Variants in PLA2R1 observed in about 807,000 individuals in gnomAD.
PLA2R1 encodes the protein secretory phospholipase A2 receptor.
In PLA2R1, 158 loss-of-function variants were observed where a neutral mutation model predicts 195.9. That is an observed-to-expected ratio of 0.81 (90% CI 0.71 to 0.92). The LOEUF (loss-of-function observed/expected upper bound fraction) is 0.92, where lower values mean the gene tolerates loss of function less well. Ranked by LOEUF, PLA2R1 falls within the 40% of genes least tolerant of loss-of-function variation. The pLI is 0.00. For missense variants in PLA2R1, 1,626 were observed against 1,764.6 expected (o/e 0.92, Z 1.41); for synonymous variants, 586 against 598.2 (o/e 0.98, Z 0.30).
chr2:159,958,087 A>G (rs988980819), intron 20 of PLA2R1, among the ~76,000 whole-genome samples: 2 of 151,930 alleles, frequency 1.3e-5, no homozygotes, highest in Non-Finnish European at 2.9e-5. Flanking sequence ...GTTCCCTCCA[A>G]CTCTCATGTT....
chr2:160,039,895 A>AC (rs1694415855), intron 3 of PLA2R1, among the ~76,000 whole-genome samples: 1 of 151,868 alleles, frequency 6.6e-6, no homozygotes, highest in African/African-American at 2.4e-5. Context: ...CTGTCATTGG[A>AC]AGTTTCCCAG....
chr2:160,022,393 T>C (rs1693195218), intron 7 of PLA2R1, among the ~76,000 whole-genome samples: 1 of 152,142 alleles, frequency 6.6e-6, no homozygotes, highest in Non-Finnish European at 1.5e-5. Flanking sequence ...AGGTTTTTCA[T>C]TAGAAGTTTT....
chr2:160,028,794 G>A, intron 5 of PLA2R1, 56 bp downstream of exon 5: 1 of 987,144 alleles, frequency 1.0e-6, no homozygotes, highest in Non-Finnish European at 1.6e-6. Context: ...AAATGCTGCT[G>A]TGTAAGGGTG....
chr2:160,032,920 T>C (rs746686522), intron 4 of PLA2R1, 39 bp downstream of exon 4: 3 of 1,345,414 alleles, frequency 2.2e-6, no homozygotes, highest in East Asian at 4.7e-5. Context: ...AACCATCTTT[T>C]ATTGTATCAA....
At chr2:160,010,421 A>G (rs1692283046) in intron 10 of PLA2R1, among the ~76,000 whole-genome samples, 2 of 152,200 alleles carry the variant, frequency 1.3e-5, no homozygotes, top group East Asian at 1.9e-4. Flanking sequence ...TCTCTATTCC[A>G]CAAAGTGTTA....
chr2:160,030,101 C>T (rs545079731), intron 4 of PLA2R1, among the ~76,000 whole-genome samples: 1 of 152,118 alleles, frequency 6.6e-6, no homozygotes, highest in Non-Finnish European at 1.5e-5. Context: ...GTATGATTAC[C>T]CAGGTTGTGA....
intron 3 of PLA2R1, among the ~76,000 whole-genome samples, chr2:160,034,494 G>A (rs989308899): frequency 6.6e-6 from 1 of 152,204 alleles, no homozygotes. Context: ...CTTAAAGATT[G>A]TTTTCAGTTA....
In PLA2R1 at chr2:160,041,710, G is replaced by A. The variant is rs529084889; in HGVS notation, c.667+315C>T. 4.6e-5 allele frequency among the ~76,000 whole-genome samples: 7 copies of A among 152,312 alleles called. No homozygotes were observed. In the South Asian group the frequency reaches 1.2e-3, roughly 27 times the overall value. ...TATATGCAATCAGGTTTGTTTTGAA[G>A]TATCCAGCCAAGAAGCTGGGATCAA... On this transcript the variant is annotated intron_variant, in intron 3 of 29. Coordinates refer to ENST00000283243, the MANE Select transcript of PLA2R1 (RefSeq NM_007366.5).
intron 3 of PLA2R1, among the ~76,000 whole-genome samples, chr2:160,039,386 C>A (rs13384013): frequency 0.21 from 31,298 of 151,976 alleles, 3,688 homozygotes; most frequent in African/African-American, 0.32. Context: ...ATCCTTTTTG[C>A]TGAAGATGTT....
the PLA2R1 span, among the ~76,000 whole-genome samples, chr2:159,925,301 G>T: frequency 6.6e-6 from 1 of 152,180 alleles, no homozygotes; most frequent in Non-Finnish European, 1.5e-5. Flanking sequence ...CATTGTAGGG[G>T]TGCGTATGTG....
At chr2:159,959,055 G>A (rs1349876684) in intron 20 of PLA2R1, among the ~76,000 whole-genome samples, 1 of 152,122 alleles carries the variant, frequency 6.6e-6, no homozygotes, top group Non-Finnish European at 1.5e-5. Flanking sequence ...GGTCCTTTTT[G>A]TCTTGTTTGC....
intron 17 of PLA2R1, 91 bp from the exon 18 acceptor site, chr2:159,970,303 C>T (rs1393417646): frequency 1.9e-5 from 15 of 787,398 alleles, no homozygotes; most frequent in Non-Finnish European, 1.6e-5. Context: ...GCTTTCTATT[C>T]TTCAGTATTT....
Position 159,969,351 on chromosome 2 carries a change from T to C in PLA2R1, c.2669A>G (p.Asp890Gly). 1.3e-6 allele frequency: 2 copies of C among 1,577,692 alleles called. No individual in the cohort carries two copies. Among genetic ancestry groups the C allele is most frequent in the East Asian group, 2.2e-5 (1 of 44,584 alleles). ...GTTCTGGTATATCACTGGTGTTCCA[T>C]CTCTCCAGCTGTGGGAAGATTAAAA... is the stretch of plus-strand genomic sequence containing the variant. Reference protein sequence around the residue: ...ERANDEFRWRDGTPVIYQNWD... With the variant: ...ERANDEFRWRGGTPVIYQNWD... Residue 890 changes from aspartate (D) to glycine (G), a missense_variant, in exon 19 of 30, where the codon GAT becomes GGT. Coordinates refer to ENST00000283243, the MANE Select transcript of PLA2R1 (RefSeq NM_007366.5).
At chr2:159,985,109 A>G (rs1690235044) in intron 12 of PLA2R1, among the ~76,000 whole-genome samples, 1 of 152,194 alleles carries the variant, frequency 6.6e-6, no homozygotes, top group Non-Finnish European at 1.5e-5. Flanking sequence ...GAAGTCCTAA[A>G]CCAGGCATTT....
chr2:159,929,235 A>G (rs1686538984), downstream of PLA2R1, among the ~76,000 whole-genome samples: 1 of 152,216 alleles, frequency 6.6e-6, no homozygotes. Context: ...GTGGGAGAAA[A>G]TCTTCACAAT....
At chr2:159,970,120 T>C (rs1432439371) in intron 18 of PLA2R1, 28 bp downstream of exon 18, 2 of 1,483,574 alleles carry the variant, frequency 1.3e-6, no homozygotes, top group East Asian at 2.3e-5. Context: ...TCAAACAAAA[T>C]TAAATGCAAA....
intron 20 of PLA2R1, 147 bp downstream of exon 20, chr2:159,967,392 C>T: frequency 1.6e-6 from 1 of 620,196 alleles, no homozygotes; most frequent in South Asian, 2.5e-5. Flanking sequence ...AAATGGAAAA[C>T]TCAAATTTCT....
intron 1 of PLA2R1, among the ~76,000 whole-genome samples, chr2:160,049,876 A>T (rs986273624): frequency 5.3e-5 from 8 of 152,158 alleles, no homozygotes; most frequent in African/African-American, 1.9e-4. Flanking sequence ...TCTTAAAAAC[A>T]AGTGATAACA....
chr2:159,982,861 T>C (rs1690054094), intron 13 of PLA2R1, among the ~76,000 whole-genome samples: 1 of 152,194 alleles, frequency 6.6e-6, no homozygotes, highest in Non-Finnish European at 1.5e-5. Flanking sequence ...TATGGTTGTT[T>C]TCATTAAATA....
Sources: gnomAD v4.1 joint callset for allele counts (sites outside exome capture counted in the v4.1 genomes callset) on GRCh38, gnomAD v4.1.1 for gene constraint, MANE v1.5 for transcripts, NCBI Gene and HGNC (gene_info 2026-07-23, HGNC 2026-07-21) for gene names.